Variants in FRY observed in about 807,000 individuals in gnomAD.
FRY encodes FRY microtubule binding protein, also known as protein furry homolog.
In FRY, 128 loss-of-function variants were observed where a neutral mutation model predicts 348.4. The observed-to-expected ratio is 0.37, with a 90% CI of 0.32 to 0.43. The LOEUF (loss-of-function observed/expected upper bound fraction) is 0.43. Ranked by LOEUF, FRY falls within the 20% of genes least tolerant of loss-of-function variation. The pLI, the probability that FRY is intolerant of heterozygous loss-of-function variation, is 1.00. For missense variants in FRY, 2,736 were observed against 3,695.2 expected (o/e 0.74, Z 6.73); for synonymous variants, 1,370 against 1,374.7 (o/e 1.00, Z 0.08).
intron 2 of FRY, among the ~76,000 whole-genome samples, chr13:32,092,848 A>G (rs539118553): frequency 5.3e-5 from 8 of 152,348 alleles, no homozygotes; most frequent in Admixed American, 3.9e-4. Flanking sequence ...TCCACCAGGA[A>G]AAGATCAAAA....
intron 1 of FRY, among the ~76,000 whole-genome samples, chr13:32,050,120 G>A (rs1311276854): frequency 1.3e-5 from 2 of 152,102 alleles, no homozygotes; most frequent in Non-Finnish European, 2.9e-5. Context: ...ATAGATTGGC[G>A]GAGATTTTCT....
intron 1 of FRY, among the ~76,000 whole-genome samples, chr13:32,068,037 G>C (rs1874371427): frequency 6.6e-6 from 1 of 152,102 alleles, no homozygotes; most frequent in African/African-American, 2.4e-5. Context: ...TCTCACCCCA[G>C]ACTCTGACAC....
At chr13:32,215,160 G>A (rs1186756291) in intron 35 of FRY, among the ~76,000 whole-genome samples, 1 of 152,030 alleles carries the variant, frequency 6.6e-6, no homozygotes, top group East Asian at 1.9e-4. Flanking sequence ...GGCCCCAGTA[G>A]CCAAAGTAAG....
At chr13:32,236,634 CT>C (rs201644751) in intron 43 of FRY, among the ~76,000 whole-genome samples, 6 of 150,658 alleles carry the variant, frequency 4.0e-5, no homozygotes, top group Middle Eastern at 3.4e-3. Context: ...ACCTCAGTAT[CT>C]TTTTTTTTGC....
chr13:32,124,457 A>T lies in FRY; in HGVS notation c.555+81A>T, dbSNP rs74582871. 1,934 of 935,244 alleles carry T rather than the reference A, an allele frequency of 2.1e-3. 26 individuals carry two copies. The African/African-American group carries it at 0.027, about 13-fold the overall frequency. 57.9% of individuals were successfully genotyped at this position (935,244 alleles called of 1,614,324 possible). A position where few individuals can be genotyped will look rare whatever the true frequency, so the allele number is the denominator to read the frequency against. ...TTAGGTTGTAAAAGTCTAAGTTTTTAAAATTATTTCTGAATTCCAAATACT... is the reference window on the plus strand; with the variant it reads ...TTAGGTTGTAAAAGTCTAAGTTTTTTAAATTATTTCTGAATTCCAAATACT... On this transcript the variant is annotated intron_variant, in intron 5 of 60. Coordinates refer to ENST00000542859, the MANE Select transcript of FRY (RefSeq NM_023037.3).
At position 32,134,964 on chromosome 13, in the gene FRY, C is replaced by A. The variant is rs776076592; in HGVS notation, c.946C>A (p.Leu316Ile). 6.2e-7 allele frequency: 1 copy of A among 1,612,760 alleles called. No individual in the cohort carries two copies. The highest frequency in any genetic ancestry group is 8.5e-7 in the Non-Finnish European group (1 of 1,178,784). The change falls in exon 9 of 61, where the codon CTT becomes ATT. Residue 316 changes from leucine (L) to isoleucine (I), a missense_variant. Physicochemically the swap from Leu to Ile is conservative, Grantham distance 5 (BLOSUM62 2). Coordinates refer to ENST00000542859, the MANE Select transcript of FRY (RefSeq NM_023037.3). Reference sequence around the variant, plus strand: ...AGATATCAAGCATGCCTTGGCTGGGCTTTTTGTTGAAATACTTGTTCCAGT... The same window carrying A: ...AGATATCAAGCATGCCTTGGCTGGGATTTTTGTTGAAATACTTGTTCCAGT... ...DKDIKHALAG[L>I]FVEILVPVAA...
chr13:32,268,767 A>G (rs995708933), intron 55 of FRY, among the ~76,000 whole-genome samples: 14 of 151,824 alleles, frequency 9.2e-5, no homozygotes, highest in Non-Finnish European at 1.8e-4. Flanking sequence ...TCCCAGGTTC[A>G]AGCGATTCTC....
intron 40 of FRY, among the ~76,000 whole-genome samples, chr13:32,228,960 G>C (rs910735257): frequency 6.6e-6 from 1 of 152,200 alleles, no homozygotes; most frequent in South Asian, 2.1e-4. Flanking sequence ...CCCACAGTGA[G>C]CATGCCTTTA....
chr13:32,268,077 C>T (rs1204096433), intron 55 of FRY, among the ~76,000 whole-genome samples: 1 of 152,198 alleles, frequency 6.6e-6, no homozygotes, highest in Non-Finnish European at 1.5e-5. Context: ...CACTTCCAAT[C>T]CCTCAGCCAG....
At chr13:32,250,110 G>T (rs1427599441) in intron 49 of FRY, among the ~76,000 whole-genome samples, 1 of 152,154 alleles carries the variant, frequency 6.6e-6, no homozygotes, top group Non-Finnish European at 1.5e-5. Context: ...GCTGCCCACG[G>T]AACAGGCACC....
At chr13:32,261,035 T>C (rs1203758631) in intron 51 of FRY, among the ~76,000 whole-genome samples, 1 of 152,232 alleles carries the variant, frequency 6.6e-6, no homozygotes, top group African/African-American at 2.4e-5. Context: ...GGCCTCTGCA[T>C]AGTGCATGAT....
rs1421828489 is a variant in FRY at position 32,228,460 on chromosome 13, C to T, written c.5211C>T (p.Gly1737=). 2 of 1,612,090 alleles carry T rather than the reference C, an allele frequency of 1.2e-6. No homozygotes were observed. The highest frequency in any genetic ancestry group is 1.1e-5 in the South Asian group (1 of 90,992). The part of the protein sequence containing the change: ...AYQPEYLYTG[G]FDFLREDQSS... ...TTGACCTTCTTCTCCCACCAGGTGG[C>T]TTTGACTTCCTGAGAGAGGACCAGT... is the stretch of plus-strand genomic sequence containing the variant. Residue 1737 remains glycine, a synonymous_variant, in exon 40 of 61, where the codon GGC becomes GGT. Coordinates refer to ENST00000542859, the MANE Select transcript of FRY (RefSeq NM_023037.3).
intron 2 of FRY, among the ~76,000 whole-genome samples, chr13:32,098,072 C>A (rs931292183): frequency 6.6e-6 from 1 of 151,992 alleles, no homozygotes; most frequent in Non-Finnish European, 1.5e-5. Flanking sequence ...CAGCACCAAG[C>A]GAAATGCACA....
intron 2 of FRY, among the ~76,000 whole-genome samples, chr13:32,101,100 A>T (rs754937944): frequency 6.6e-6 from 1 of 152,196 alleles, no homozygotes; most frequent in African/African-American, 2.4e-5. Context: ...TCTTTGATCA[A>T]CATCTTCCAT....
intron 1 of FRY, among the ~76,000 whole-genome samples, chr13:32,058,221 C>T (rs1455571149): frequency 6.6e-6 from 1 of 152,084 alleles, no homozygotes; most frequent in Non-Finnish European, 1.5e-5. Context: ...GAGCCAACAA[C>T]CTATAAGTAA....
chr13:32,268,713 C>T (rs938277784), intron 55 of FRY, among the ~76,000 whole-genome samples: 1 of 150,894 alleles, frequency 6.6e-6, no homozygotes, highest in African/African-American at 2.4e-5. Flanking sequence ...CTTGTTCTGT[C>T]GCCCATGCTG....
intron 55 of FRY, among the ~76,000 whole-genome samples, chr13:32,273,810 C>T (rs540550910): frequency 5.9e-5 from 9 of 152,202 alleles, no homozygotes; most frequent in South Asian, 2.1e-4. Context: ...CTGACAAACA[C>T]GCAAGGAAAA....
intron 3 of FRY, among the ~76,000 whole-genome samples, chr13:32,115,405 G>T (rs1878236407): frequency 6.6e-6 from 1 of 152,170 alleles, no homozygotes; most frequent in Admixed American, 6.5e-5. Context: ...GTTCAAGCAT[G>T]TGTGTGAATT....
intron 36 of FRY, among the ~76,000 whole-genome samples, chr13:32,223,722 G>A: frequency 6.6e-6 from 1 of 152,114 alleles, no homozygotes; most frequent in African/African-American, 2.4e-5. Flanking sequence ...AGAATTTGAA[G>A]CTGCAGTGAC....
Sources: gnomAD v4.1 joint callset for allele counts (sites outside exome capture counted in the v4.1 genomes callset) on GRCh38, gnomAD v4.1.1 for gene constraint, MANE v1.5 for transcripts, NCBI Gene and HGNC (gene_info 2026-07-23, HGNC 2026-07-21) for gene names.